Variants in HYCC1 observed in about 807,000 individuals in gnomAD.
HYCC1 encodes the protein hyccin PI4KA lipid kinase complex subunit 1, also known as hyccin.
At chr7:22,918,212 A>G in the HYCC1 span, among the ~76,000 whole-genome samples, 1 of 152,162 alleles carries the variant, frequency 6.6e-6, no homozygotes, top group Non-Finnish European at 1.5e-5. Context: ...GGGTCCTCCC[A>G]ATCTTAGTCC....
the HYCC1 span, among the ~76,000 whole-genome samples, chr7:22,960,944 G>A: frequency 1.2e-4 from 19 of 152,320 alleles, no homozygotes; most frequent in East Asian, 3.3e-3. Context: ...CCAGCTACTC[G>A]GGAGGCCGAG....
the HYCC1 span, among the ~76,000 whole-genome samples, chr7:23,001,867 T>C: frequency 6.6e-6 from 1 of 150,980 alleles, no homozygotes; most frequent in Non-Finnish European, 1.5e-5. Flanking sequence ...TTCTGTTTGG[T>C]TTTGGTTTCC....
chr7:22,936,241 T>C, the HYCC1 span: 1 of 152,036 alleles, frequency 6.6e-6, no homozygotes, highest in South Asian at 2.1e-4. Context: ...AAAGAAAATA[T>C]TTGATATAAT....
the HYCC1 span, among the ~76,000 whole-genome samples, chr7:22,990,539 A>G: frequency 4.6e-5 from 7 of 152,212 alleles, no homozygotes; most frequent in African/African-American, 1.4e-4. Flanking sequence ...AAGAAATACT[A>G]TTTTAGCTAT....
chr7:22,997,831 G>T, the HYCC1 span, among the ~76,000 whole-genome samples: 20 of 152,102 alleles, frequency 1.3e-4, no homozygotes, highest in Non-Finnish European at 2.9e-4. Context: ...CAAAACAAGT[G>T]TCTGATTATC....
the HYCC1 span, among the ~76,000 whole-genome samples, chr7:22,964,842 A>C: frequency 2.6e-5 from 4 of 152,256 alleles, no homozygotes; most frequent in South Asian, 8.3e-4. Flanking sequence ...TACTACATGA[A>C]ACTTGGCACT....
At chr7:22,896,000 T>C in the HYCC1 span, among the ~76,000 whole-genome samples, 1 of 152,250 alleles carries the variant, frequency 6.6e-6, no homozygotes, top group African/African-American at 2.4e-5. Flanking sequence ...TGAATTTCTA[T>C]ATTTTAAAAA....
At chr7:22,962,374 C>T in the HYCC1 span, among the ~76,000 whole-genome samples, 3 of 152,050 alleles carry the variant, frequency 2.0e-5, no homozygotes, top group South Asian at 2.1e-4. Context: ...ACAAGAAAAA[C>T]TAGAAACAGG....
At chr7:22,982,555 G>C in the HYCC1 span, among the ~76,000 whole-genome samples, 1 of 152,098 alleles carries the variant, frequency 6.6e-6, no homozygotes, top group Non-Finnish European at 1.5e-5. Context: ...TCTGCTGTTA[G>C]AGTCTATCAT....
chr7:22,985,517 T>G, the HYCC1 span: 1 of 152,168 alleles, frequency 6.6e-6, no homozygotes, highest in East Asian at 1.9e-4. Context: ...AATAGAATTT[T>G]TTTTAAGTTT....
chr7:22,930,860 A>T, the HYCC1 span, among the ~76,000 whole-genome samples: 2 of 152,176 alleles, frequency 1.3e-5, no homozygotes, highest in African/African-American at 2.4e-5. Flanking sequence ...GCTACCCCAT[A>T]TTAATAGAAT....
At chr7:22,977,268 ATAAC>A in the HYCC1 span, 1 of 959,666 alleles carries the variant, frequency 1.0e-6, no homozygotes, top group Non-Finnish European at 1.7e-6. Context: ...TTTTTCCTAA[ATAAC>A]TAGATTATAA....
the HYCC1 span, among the ~76,000 whole-genome samples, chr7:22,929,865 T>C: frequency 1.3e-5 from 2 of 152,194 alleles, no homozygotes; most frequent in Admixed American, 6.5e-5. Context: ...GGATTATAAA[T>C]CATGCTGCTA....
At chr7:22,978,367 G>A in the HYCC1 span, 1 of 1,614,034 alleles carries the variant, frequency 6.2e-7, no homozygotes, top group Non-Finnish European at 8.5e-7. Flanking sequence ...AGTTCTGGGA[G>A]AAATTGCAGC....
At chr7:22,990,595 C>T in the HYCC1 span, among the ~76,000 whole-genome samples, 2 of 152,190 alleles carry the variant, frequency 1.3e-5, no homozygotes, top group Admixed American at 6.5e-5. Context: ...TTATTTTCTT[C>T]ATTAACTAAT....
At chr7:22,988,768 A>G in the HYCC1 span, among the ~76,000 whole-genome samples, 1 of 152,140 alleles carries the variant, frequency 6.6e-6, no homozygotes, top group African/African-American at 2.4e-5. Flanking sequence ...TCTAACTCCC[A>G]TTATCCTCAA....
At chr7:22,950,027 A>C in the HYCC1 span, among the ~76,000 whole-genome samples, 4,334 of 152,128 alleles carry the variant, frequency 0.028, 197 homozygotes, top group African/African-American at 0.098. Context: ...TAATTAAGTA[A>C]TCCAAACAAA....
At chr7:23,001,895 AT>A in the HYCC1 span, among the ~76,000 whole-genome samples, 54 of 146,830 alleles carry the variant, frequency 3.7e-4, no homozygotes, top group Non-Finnish European at 3.9e-4. Flanking sequence ...TATGGCAAAC[AT>A]TTTTTTTTTT....
chr7:22,960,194 G>A, the HYCC1 span: 6 of 1,511,484 alleles, frequency 4.0e-6, no homozygotes, highest in Non-Finnish European at 5.5e-6. Context: ...AGCACCATAA[G>A]TACAGTGAAA....
Sources: allele counts gnomAD v4.1 joint callset (sites outside exome capture counted in the v4.1 genomes callset), GRCh38; gene constraint gnomAD v4.1.1; transcripts MANE v1.5; gene names NCBI Gene and HGNC (gene_info 2026-07-23, HGNC 2026-07-21).